The following USF2 variants were observed in gnomAD, a reference collection of about 807,000 sequenced individuals.
The protein encoded by USF2 is upstream stimulatory factor 2.
Under a neutral mutation model 46.9 loss-of-function variants are expected in USF2, and 16 were observed. The observed-to-expected ratio is 0.34, with a 90% confidence interval of 0.23 to 0.52. USF2 has a LOEUF of 0.52. Ranked by LOEUF, USF2 falls within the 20% of genes least tolerant of loss-of-function variation. The pLI is 0.96. For missense variants in USF2, 411 were observed against 474.0 expected, an observed-to-expected ratio of 0.87 and a Z score of 1.23; for synonymous variants, 239 against 194.1, an observed-to-expected ratio of 1.23 and a Z score of -1.92.
chr19:35,279,368 T>G lies in USF2; in HGVS notation c.*112T>G. ...CCCCTCCCCCAGCTGCGTTTTTTTA[T>G]AGTAGATTTTTAACAAAAAACGGGG... is the stretch of plus-strand genomic sequence containing the variant. On this transcript the variant is annotated 3_prime_UTR_variant, in exon 10 of 10. Coordinates refer to ENST00000222305, the MANE Select transcript of USF2 (RefSeq NM_003367.4). The G allele has an allele frequency of 1.7e-6, 2 of 1,179,526 alleles. No individual in the cohort carries two copies. The highest frequency in any genetic ancestry group is 7.0e-5 in the Admixed American group (2 of 28,672). The allele number at this position is 1,179,526 out of a possible 1,614,324, so 73.1% of individuals were successfully genotyped here. A position where few individuals can be genotyped will look rare whatever the true frequency, so the allele number is the denominator to read the frequency against.
intron 7 of USF2, among the ~76,000 whole-genome samples, chr19:35,272,459 G>C (rs574679116): frequency 6.6e-6 from 1 of 152,204 alleles, no homozygotes; most frequent in African/African-American, 2.4e-5. Context: ...GGAAGAGCTA[G>C]AACACAGGCC....
At chr19:35,270,323 A>C in intron 4 of USF2, 124 bp from the exon 5 acceptor site, 1 of 1,375,980 alleles carries the variant, frequency 7.3e-7, no homozygotes, top group East Asian at 2.4e-5. Flanking sequence ...AGAATGCTAC[A>C]CGCAGAAGGA....
At chr19:35,278,914 G>C (rs777054669) in intron 8 of USF2, 32 bp from the exon 9 acceptor site, 1 of 1,569,316 alleles carries the variant, frequency 6.4e-7, no homozygotes, top group South Asian at 1.2e-5. Context: ...GGCGGTGCCT[G>C]CCCTAAGGCT....
In USF2 at chr19:35,279,200, C is replaced by G; in HGVS notation, c.985C>G (p.Arg329Gly). Reference sequence around the variant, plus strand: ...GCTGAAGAATGAGAACGCCCTGCTTCGAGCCCAGCTGCAGCAGCACAACCT... The same window carrying G: ...GCTGAAGAATGAGAACGCCCTGCTTGGAGCCCAGCTGCAGCAGCACAACCT... ...EELKNENALL[R>G]AQLQQHNLEM... The change falls in exon 10 of 10, where the codon CGA becomes GGA. Residue 329 changes from arginine (R) to glycine (G), a missense_variant. Around this residue, in one of 2 missense-constraint regions of USF2, gnomAD observed 93 missense variants for 151.6 expected, o/e 0.61. Coordinates refer to ENST00000222305, the MANE Select transcript of USF2 (RefSeq NM_003367.4). 1 of 1,598,940 alleles carries G rather than the reference C, an allele frequency of 6.3e-7. No homozygotes were observed. The highest frequency in any genetic ancestry group is 8.5e-7 in the Non-Finnish European group (1 of 1,172,482).
intron 7 of USF2, among the ~76,000 whole-genome samples, chr19:35,271,520 C>T (rs1454830270): frequency 6.6e-6 from 1 of 152,182 alleles, no homozygotes; most frequent in African/African-American, 2.4e-5. Context: ...TCCCGCACTC[C>T]CATGCCTGCC....
intron 8 of USF2, 45 bp downstream of exon 8, chr19:35,278,837 G>A (rs771221803): frequency 6.2e-6 from 10 of 1,611,774 alleles, no homozygotes; most frequent in East Asian, 2.2e-5. Context: ...CCCGGCCCCC[G>A]ACCCTTGCAT....
At chr19:35,273,146 CT>C (rs2066182146) in intron 7 of USF2, among the ~76,000 whole-genome samples, 1 of 152,184 alleles carries the variant, frequency 6.6e-6, no homozygotes, top group Non-Finnish European at 1.5e-5. Flanking sequence ...CACCTGCCCA[CT>C]TCTCCAGCTC....
At chr19:35,273,505 C>T (rs2066187905) in intron 7 of USF2, among the ~76,000 whole-genome samples, 1 of 152,222 alleles carries the variant, frequency 6.6e-6, no homozygotes, top group African/African-American at 2.4e-5. Flanking sequence ...TTTCCATCAG[C>T]TCTTCAGGTG....
chr19:35,279,351 C>T lies in USF2; in HGVS notation c.*95C>T. ...ACAGAGAGGGACACATGCCCCTCCC[C>T]CAGCTGCGTTTTTTTATAGTAGATT... On this transcript the variant is annotated 3_prime_UTR_variant, in exon 10 of 10. Transcript: ENST00000222305. 7.9e-7 allele frequency: 1 copy of T among 1,264,082 alleles called. No homozygotes were observed. Among genetic ancestry groups the T allele is most frequent in the South Asian group, 1.8e-5 (1 of 55,684 alleles). The allele number at this position is 1,264,082 out of a possible 1,614,324, so 78.3% of individuals were successfully genotyped here.
rs769620501 is a variant in USF2, at chr19:35,278,828, C to A, written c.822+36C>A. ...CGGACCCTCAGTGTCTGCGGTGGTC[C>A]CGGCCCCCGACCCTTGCATGCAGAA... On this transcript the variant is annotated intron_variant, in intron 8 of 9. Coordinates refer to ENST00000222305, the MANE Select transcript of USF2 (RefSeq NM_003367.4). The A allele has an allele frequency of 7.4e-6, 12 of 1,612,380 alleles. No homozygotes were observed. The Admixed American group carries it at 1.8e-4, about 25-fold the overall frequency.
intron 7 of USF2, chr19:35,275,517 A>C (rs2066221559): frequency 6.7e-6 from 1 of 149,260 alleles, no homozygotes; most frequent in African/African-American, 2.5e-5. Context: ...GATGATTCTT[A>C]ACCTTTCTCT....
At chr19:35,271,499 T>G (rs2066156368) in intron 7 of USF2, among the ~76,000 whole-genome samples, 1 of 152,172 alleles carries the variant, frequency 6.6e-6, no homozygotes. Flanking sequence ...GTGGCAGCTG[T>G]CATGCTCACA....
intron 7 of USF2, chr19:35,275,879 G>C (rs2066226908): frequency 6.6e-6 from 1 of 152,192 alleles, no homozygotes. Flanking sequence ...GTCTGCTGCT[G>C]TCAGGCAGAA....
intron 7 of USF2, among the ~76,000 whole-genome samples, chr19:35,272,690 G>A (rs2066174290): frequency 2.0e-5 from 3 of 152,038 alleles, no homozygotes; most frequent in Admixed American, 6.5e-5. Flanking sequence ...AGAGTGGTGG[G>A]AAGGGGCTGG....
In USF2 at chr19:35,270,555, G is replaced by T. The variant is rs1324723134; in HGVS notation, c.538G>T (p.Ala180Ser). ...FPASSVGDTT[A>S]VSVQTTDQSL... Reference sequence around the variant, plus strand: ...AGCGTCCAGTGTGGGAGATACTACGGCTGTGTCCGTACAGACCACAGACCA... The same window carrying T: ...AGCGTCCAGTGTGGGAGATACTACGTCTGTGTCCGTACAGACCACAGACCA... The change falls in exon 5 of 10, where the codon GCT (alanine) becomes TCT (serine). Residue 180 changes from alanine (A) to serine (S), a missense_variant. Around this residue, in one of 2 missense-constraint regions of USF2, gnomAD observed 318 missense variants for 322.4 expected, o/e 0.99. Transcript: ENST00000222305. 2.5e-6 allele frequency: 4 copies of T among 1,614,168 alleles called. No homozygotes were observed. The highest frequency in any genetic ancestry group is 3.4e-6 in the Non-Finnish European group (4 of 1,180,016).
At chr19:35,276,138 C>A (rs2066230944) in intron 7 of USF2, among the ~76,000 whole-genome samples, 3 of 130,358 alleles carry the variant, frequency 2.3e-5, no homozygotes, top group African/African-American at 8.7e-5. Flanking sequence ...ATGATGTGGT[C>A]TCGGCTCACT....
intron 6 of USF2, 105 bp downstream of exon 6, chr19:35,270,910 G>GT (rs1184542019): frequency 5.2e-5 from 78 of 1,485,810 alleles, no homozygotes; most frequent in East Asian, 1.4e-4. Flanking sequence ...ATGGTGTAAT[G>GT]TTTTTTTTCT....
At position 35,269,843 on chromosome 19, in the gene USF2, A is replaced by G. The variant is rs2066121475; in HGVS notation, c.269A>G (p.Asp90Gly). 2.8e-6 allele frequency: 4 copies of G among 1,444,944 alleles called. No homozygotes were observed. Among genetic ancestry groups the G allele is most frequent in the Non-Finnish European group, 3.6e-6 (4 of 1,108,200 alleles). The allele number at this position is 1,444,944 out of a possible 1,614,324, so 89.5% of individuals were successfully genotyped here. Residue 90 changes from aspartate to glycine, a missense_variant, in exon 4 of 10, where the codon GAC becomes GGC. Asp to Gly is a moderately conservative substitution (Grantham distance 94, BLOSUM62 -1). Around this residue, in one of 2 missense-constraint regions of USF2, gnomAD observed 318 missense variants for 322.4 expected, o/e 0.99. Transcript: ENST00000222305. ...GTCCAGGTGACTGATGGTCAGCTGG[A>G]CGGCCAGGGCGACACAGCTGGCGCC... ...RVVQVTDGQL[D>G]GQGDTAGAVS... is the part of the protein sequence containing the mutation.
intron 7 of USF2, among the ~76,000 whole-genome samples, chr19:35,273,714 C>T (rs1599628301): frequency 6.6e-6 from 1 of 151,852 alleles, no homozygotes; most frequent in African/African-American, 2.4e-5. Flanking sequence ...GGCGTCATCA[C>T]ATGGGGTAAT....
Sources: allele counts gnomAD v4.1 joint callset (sites outside exome capture counted in the v4.1 genomes callset), GRCh38; gene constraint gnomAD v4.1.1; regional missense constraint gnomAD v4.1.1; transcripts MANE v1.5; gene names NCBI Gene and HGNC (gene_info 2026-07-23, HGNC 2026-07-21).